The following GREB1L variants were observed in gnomAD, a reference collection of about 807,000 sequenced individuals.
GREB1L encodes GREB1 like retinoic acid receptor coactivator, also known as GREB1-like protein.
In GREB1L, 17 loss-of-function variants were observed where a neutral mutation model predicts 200.8. The observed-to-expected ratio is 0.08, with a 90% CI of 0.06 to 0.13. GREB1L has a LOEUF of 0.13. Among genes scored for constraint, GREB1L ranks in the 10% least tolerant of loss-of-function variants. The pLI is 1.00. For missense variants in GREB1L, 1,657 were observed against 2,367.7 expected (o/e 0.70, Z 6.23); for synonymous variants, 789 against 893.0 (o/e 0.88, Z 2.08).
chr18:21,481,467 G>A (rs868262153), intron 17 of GREB1L, among the ~76,000 whole-genome samples: 1,329 of 103,444 alleles, frequency 0.013, 36 homozygotes, highest in African/African-American at 0.063. Flanking sequence ...GTGTGTGTGT[G>A]TGTGTGTGTG....
At chr18:21,373,379 G>A (rs2039954724) in intron 2 of GREB1L, among the ~76,000 whole-genome samples, 1 of 151,784 alleles carries the variant, frequency 6.6e-6, no homozygotes, top group Non-Finnish European at 1.5e-5. Context: ...TGTCACCCAC[G>A]CTGGAGTGCA....
At chr18:21,458,789 C>T (rs78363402) in intron 15 of GREB1L, among the ~76,000 whole-genome samples, 1 of 152,040 alleles carries the variant, frequency 6.6e-6, no homozygotes, top group African/African-American at 2.4e-5. Context: ...CTGGAGTGAT[C>T]GTGGGGAAGG....
intron 22 of GREB1L, 49 bp downstream of exon 22, chr18:21,500,355 CT>C (rs2145943014): frequency 1.1e-6 from 1 of 901,700 alleles, no homozygotes; most frequent in East Asian, 2.6e-5. Flanking sequence ...GTTGGCGCGT[CT>C]TCCTCAAGAA....
rs754687898 is a variant in GREB1L at position 21,515,480 on chromosome 18, T to G, written c.4965T>G (p.Ile1655Met). ...NVSLKTVLQH[I>M]EATPKIVHYA... ...CCTTGAAGACTGTCTTGCAGCACAT[T>G]GAAGCCACACCAAAAATTGTCCACT... The change falls in exon 29 of 33, where the codon ATT (isoleucine) becomes ATG (methionine). Residue 1655 changes from isoleucine (I) to methionine (M), a missense_variant. Around this residue, in one of 9 missense-constraint regions of GREB1L, gnomAD observed 151 missense variants for 309.6 expected, o/e 0.49. Transcript: ENST00000424526. 1.9e-6 allele frequency: 3 copies of G among 1,551,670 alleles called. No individual in the cohort carries two copies. The South Asian group carries it at 3.6e-5, about 18-fold the overall frequency.
At chr18:21,454,003 A>C (rs977945380) in intron 14 of GREB1L, among the ~76,000 whole-genome samples, 5 of 152,180 alleles carry the variant, frequency 3.3e-5, no homozygotes, top group Non-Finnish European at 7.3e-5. Flanking sequence ...TCTAAAGAAA[A>C]CTGGAAATGC....
At chr18:21,260,572 G>T (rs2037873437) in intron 1 of GREB1L, among the ~76,000 whole-genome samples, 1 of 151,934 alleles carries the variant, frequency 6.6e-6, no homozygotes, top group African/African-American at 2.4e-5. Context: ...AGGACCATTT[G>T]TTCCGAGTTG....
At chr18:21,249,083 A>G (rs1207416541) in intron 1 of GREB1L, among the ~76,000 whole-genome samples, 5 of 152,228 alleles carry the variant, frequency 3.3e-5, no homozygotes, top group Non-Finnish European at 7.3e-5. Flanking sequence ...ATCAAGTTGT[A>G]GTAAATATCT....
intron 1 of GREB1L, among the ~76,000 whole-genome samples, chr18:21,302,978 C>T (rs184261025): frequency 5.9e-5 from 9 of 152,254 alleles, no homozygotes; most frequent in African/African-American, 2.2e-4. Flanking sequence ...GCCTCCGCCC[C>T]TGAAAGTGCT....
chr18:21,492,232 G>A (rs536161895), intron 19 of GREB1L, among the ~76,000 whole-genome samples: 57 of 152,192 alleles, frequency 3.7e-4, no homozygotes, highest in African/African-American at 1.3e-3. Flanking sequence ...TGTGGTCCCA[G>A]CTACTCGGGA....
chr18:21,410,129 A>T (rs1459479263), intron 7 of GREB1L, among the ~76,000 whole-genome samples: 3 of 152,048 alleles, frequency 2.0e-5, no homozygotes, highest in African/African-American at 7.2e-5. Flanking sequence ...CTCATCCACC[A>T]TTAGAAGAAC....
chr18:21,409,212 C>T (rs1382437755), intron 7 of GREB1L, among the ~76,000 whole-genome samples: 2 of 152,094 alleles, frequency 1.3e-5, no homozygotes, highest in Non-Finnish European at 2.9e-5. Context: ...AACAAACTGT[C>T]GACATAAGCT....
chr18:21,398,718 T>C (rs2041188803), intron 5 of GREB1L, among the ~76,000 whole-genome samples: 1 of 152,190 alleles, frequency 6.6e-6, no homozygotes, highest in Admixed American at 6.5e-5. Flanking sequence ...AAATATCAAT[T>C]TGTCTAAATT....
chr18:21,329,969 T>TTTGG (rs1555628418), intron 1 of GREB1L, among the ~76,000 whole-genome samples: 1 of 129,314 alleles, frequency 7.7e-6, no homozygotes, highest in African/African-American at 2.9e-5. Context: ...GTTTTTTTTT[T>TTTGG]GGGGGGGGGG....
In GREB1L at chr18:21,505,477, A is replaced by G; in HGVS notation, c.4138A>G (p.Ser1380Gly). The G allele has an allele frequency of 6.4e-7, 1 of 1,551,636 alleles. No individual in the cohort carries two copies. Among genetic ancestry groups the G allele is most frequent in the South Asian group, 1.2e-5 (1 of 84,062 alleles). Residue 1380 changes from serine to glycine, a missense_variant, in exon 24 of 33, where the codon AGT becomes GGT. Ser to Gly is a moderately conservative substitution (Grantham distance 56). Coordinates refer to ENST00000424526, the MANE Select transcript of GREB1L (RefSeq NM_001142966.3). ...GCCCTGGCCTGACATCGAGAGCTTC[A>G]GTAAAATGCCTTTTGATGTCAGTGT... ...GEPWPDIESF[S>G]KMPFDVSVHD...
intron 1 of GREB1L, among the ~76,000 whole-genome samples, chr18:21,285,037 T>C (rs572428101): frequency 6.6e-6 from 1 of 152,336 alleles, no homozygotes; most frequent in African/African-American, 2.4e-5. Context: ...GCCTTTTTAT[T>C]GTTGAGTTGT....
chr18:21,418,246 A>T (rs963840400), intron 7 of GREB1L, among the ~76,000 whole-genome samples: 8 of 152,074 alleles, frequency 5.3e-5, no homozygotes, highest in Non-Finnish European at 1.2e-4. Flanking sequence ...GCAAGTGAGG[A>T]TATACAGTCA....
chr18:21,328,843 G>T (rs1478085670), intron 1 of GREB1L, among the ~76,000 whole-genome samples: 4 of 152,114 alleles, frequency 2.6e-5, no homozygotes, highest in Admixed American at 2.6e-4. Context: ...GTCAGGATTT[G>T]TATTTAATTG....
chr18:21,376,760 A>G (rs769946754), intron 2 of GREB1L, among the ~76,000 whole-genome samples: 2 of 146,294 alleles, frequency 1.4e-5, no homozygotes, highest in Non-Finnish European at 3.0e-5. Flanking sequence ...AGCCGAGATC[A>G]CACCACTGCA....
At position 21,483,291 on chromosome 18, in the gene GREB1L, G is replaced by A. The variant is rs556625155; in HGVS notation, c.2557-2329G>A. Among the ~76,000 whole-genome samples the A allele has an allele frequency of 4.0e-4, 61 of 152,320 alleles. 1 individual carries two copies. The highest frequency in any genetic ancestry group is 9.9e-4 in the African/African-American group (41 of 41,574). On this transcript the variant is annotated intron_variant, in intron 17 of 32. Transcript: ENST00000424526. ...CAGGGGCCAAGGGTGAGAGGGAAAC[G>A]TGAAGACCAAGTACACACTTCATAA...
Sources: gnomAD v4.1 joint callset for allele counts (sites outside exome capture counted in the v4.1 genomes callset) on GRCh38, gnomAD v4.1.1 for gene constraint, gnomAD v4.1.1 regional missense constraint, MANE v1.5 for transcripts, NCBI Gene and HGNC (gene_info 2026-07-23, HGNC 2026-07-21) for gene names.